COL6A6: variants seen among roughly 807,000 people sequenced by gnomAD.
COL6A6 encodes collagen alpha-6(VI) chain.
Under a neutral mutation model 208.6 loss-of-function variants are expected in COL6A6, and 183 were observed. The observed-to-expected ratio is 0.88, with a 90% CI of 0.78 to 0.99. The LOEUF is 0.99. Ranked by LOEUF, COL6A6 falls within the 50% of genes least tolerant of loss-of-function variation. COL6A6 has a pLI of 0.00. For missense variants in COL6A6, 2,816 were observed against 2,815.2 expected (o/e 1.00, Z -0.01); for synonymous variants, 973 against 1,011.8 (o/e 0.96, Z 0.73).
rs775728744 is a variant in COL6A6, at chr3:130,567,016, C to G, written c.1597C>G (p.Arg533Gly). 9.3e-6 allele frequency: 15 copies of G among 1,613,890 alleles called. No individual in the cohort carries two copies. In the Admixed American group the frequency reaches 1.0e-4, roughly 11 times the overall value. The part of the protein sequence containing the change: ...LSLLQKAKKQ[R>G]GNKVPCHLVV... ...TCTGTTGCAAAAAGCAAAGAAGCAGCGAGGAAACAAAGTTCCATGCCACCT... is the reference window on the plus strand; with the variant it reads ...TCTGTTGCAAAAAGCAAAGAAGCAGGGAGGAAACAAAGTTCCATGCCACCT... The change falls in exon 5 of 37, where the codon CGA becomes GGA. Residue 533 changes from arginine (R) to glycine (G), a missense_variant. Coordinates refer to ENST00000358511, the MANE Select transcript of COL6A6 (RefSeq NM_001102608.3).
chr3:130,590,299 A>ATTTTTTTT (rs71133610), intron 12 of COL6A6, among the ~76,000 whole-genome samples: 3 of 9,176 alleles, frequency 3.3e-4, no homozygotes, highest in Non-Finnish European at 6.5e-4. Context: ...ATATATATAT[A>ATTTTTTTT]TTTTTTTTTT....
intron 24 of COL6A6, among the ~76,000 whole-genome samples, chr3:130,626,097 C>T (rs1576354809): frequency 6.6e-6 from 1 of 152,126 alleles, no homozygotes; most frequent in African/African-American, 2.4e-5. Flanking sequence ...ATATCATGCT[C>T]CCTTGGTTAA....
At chr3:130,517,018 A>G (rs1020339277), upstream of COL6A6, among the ~76,000 whole-genome samples, 3 of 152,188 alleles carry the variant, frequency 2.0e-5, no homozygotes, top group Non-Finnish European at 4.4e-5. Flanking sequence ...GTGGAGCAGT[A>G]ACAGCCTTCA....
chr3:130,536,444 C>T (rs2062226940), intron 1 of COL6A6, among the ~76,000 whole-genome samples: 1 of 152,164 alleles, frequency 6.6e-6, no homozygotes, highest in African/African-American at 2.4e-5. Flanking sequence ...TGAGGAAAGA[C>T]CATAAGCAAG....
intron 33 of COL6A6, among the ~76,000 whole-genome samples, chr3:130,658,191 G>C (rs887128863): frequency 1.6e-4 from 25 of 152,202 alleles, no homozygotes; most frequent in Admixed American, 5.2e-4. Context: ...GACTTAGGTA[G>C]GGGAGAGGAG....
At chr3:130,561,388 G>A (rs569510618) in intron 2 of COL6A6, among the ~76,000 whole-genome samples, 12 of 152,136 alleles carry the variant, frequency 7.9e-5, no homozygotes, top group Non-Finnish European at 1.0e-4. Context: ...ATCATGAAAA[G>A]AATCTCAGAG....
intron 32 of COL6A6, among the ~76,000 whole-genome samples, chr3:130,646,083 G>T (rs1157624668): frequency 6.6e-6 from 1 of 152,160 alleles, no homozygotes; most frequent in Non-Finnish European, 1.5e-5. Flanking sequence ...AGCACATTAG[G>T]TGCTATTTGA....
rs184417311 is a variant in COL6A6 at position 130,593,286 on chromosome 3, T to C, written c.4470+34T>C. On this transcript the variant is annotated intron_variant, in intron 17 of 36. Transcript: ENST00000358511. ...TTGAAAAGGAAGAACATAAAAATTGTACTGGGGATTAAGGGTGTGATTAAC... is the reference window on the plus strand; with the variant it reads ...TTGAAAAGGAAGAACATAAAAATTGCACTGGGGATTAAGGGTGTGATTAAC... 43 of 1,529,600 alleles carry C rather than the reference T, an allele frequency of 2.8e-5. No homozygotes were observed. The Admixed American group carries it at 3.5e-4, about 13-fold the overall frequency. The allele number at this position is 1,529,600 out of a possible 1,614,324, so 94.8% of individuals were successfully genotyped here. A position where few individuals can be genotyped will look rare whatever the true frequency, so the allele number is the denominator to read the frequency against.
At chr3:130,664,038 G>A (rs919597529) in intron 35 of COL6A6, among the ~76,000 whole-genome samples, 2 of 152,144 alleles carry the variant, frequency 1.3e-5, no homozygotes, top group African/African-American at 4.8e-5. Flanking sequence ...CTGATGCTGG[G>A]TATCAAGGAG....
At chr3:130,600,802 A>G (rs2063990747) in intron 20 of COL6A6, among the ~76,000 whole-genome samples, 1 of 152,234 alleles carries the variant, frequency 6.6e-6, no homozygotes, top group South Asian at 2.1e-4. Context: ...TAGGTGCAGC[A>G]AACATGGCAC....
intron 21 of COL6A6, 46 bp downstream of exon 21, chr3:130,607,012 CA>C (rs1413206748): frequency 7.0e-7 from 1 of 1,432,594 alleles, no homozygotes; most frequent in African/African-American, 1.4e-5. Flanking sequence ...ATACTGCATC[CA>C]ATCAGGGAGC....
intron 33 of COL6A6, among the ~76,000 whole-genome samples, chr3:130,657,725 G>T (rs2065831447): frequency 6.6e-6 from 1 of 152,182 alleles, no homozygotes; most frequent in Non-Finnish European, 1.5e-5. Context: ...GTCAGCTATG[G>T]TTGAAGACAG....
chr3:130,655,677 A>C (rs942225112), intron 33 of COL6A6, among the ~76,000 whole-genome samples: 3 of 152,200 alleles, frequency 2.0e-5, no homozygotes, highest in Non-Finnish European at 4.4e-5. Flanking sequence ...AGTGTTAAAA[A>C]CTTTAGGCAA....
chr3:130,557,200 AT>A (rs1165633344), intron 1 of COL6A6, among the ~76,000 whole-genome samples: 1 of 152,202 alleles, frequency 6.6e-6, no homozygotes, highest in Non-Finnish European at 1.5e-5. Context: ...GTATCATTTT[AT>A]AAAGTGGCAA....
rs749017725 is a variant in COL6A6, at chr3:130,571,273, C to A, written c.2857C>A (p.Pro953Thr). 8 of 1,613,922 alleles carry A rather than the reference C, an allele frequency of 5.0e-6. No individual in the cohort carries two copies. The South Asian group carries it at 8.8e-5, about 18-fold the overall frequency. Reference protein sequence around the residue: ...VLAVGIDGANPVELLAMAGSS... With the variant: ...VLAVGIDGANTVELLAMAGSS... Reference sequence around the variant, plus strand: ...GGCTGTGGGGATTGATGGTGCCAATCCCGTGGAGCTGTTAGCCATGGCAGG... The same window carrying A: ...GGCTGTGGGGATTGATGGTGCCAATACCGTGGAGCTGTTAGCCATGGCAGG... The change falls in exon 7 of 37, where the codon CCC becomes ACC. Residue 953 changes from proline (P) to threonine (T), a missense_variant. By Grantham distance (38) the Pro-to-Thr change is conservative. Coordinates refer to ENST00000358511, the MANE Select transcript of COL6A6 (RefSeq NM_001102608.3).
intron 1 of COL6A6, among the ~76,000 whole-genome samples, chr3:130,535,692 G>T (rs1378183117): frequency 6.6e-6 from 1 of 152,142 alleles, no homozygotes; most frequent in Non-Finnish European, 1.5e-5. Flanking sequence ...GAGTTTCATG[G>T]TTGAAACCAG....
chr3:130,592,848 C>G, intron 15 of COL6A6, 126 bp downstream of exon 15: 1 of 979,792 alleles, frequency 1.0e-6, no homozygotes, highest in Non-Finnish European at 1.5e-6. Context: ...TATTGCCAGC[C>G]ATTTCATTTT....
chr3:130,655,577 C>T (rs2065765226), intron 33 of COL6A6, among the ~76,000 whole-genome samples: 1 of 152,174 alleles, frequency 6.6e-6, no homozygotes, highest in South Asian at 2.1e-4. Context: ...GATCAATGGG[C>T]ACAGTGGACC....
chr3:130,593,283 T>C (rs1376422646), intron 17 of COL6A6, 31 bp downstream of exon 17: 1 of 1,548,102 alleles, frequency 6.5e-7, no homozygotes, highest in Non-Finnish European at 8.9e-7. Context: ...AACATAAAAA[T>C]TGTACTGGGG....
Sources: gnomAD v4.1 joint callset for allele counts (sites outside exome capture counted in the v4.1 genomes callset) on GRCh38, gnomAD v4.1.1 for gene constraint, MANE v1.5 for transcripts, NCBI Gene and HGNC (gene_info 2026-07-23, HGNC 2026-07-21) for gene names.